Variants in SAMD5 observed in about 807,000 individuals in gnomAD.
SAMD5 encodes sterile alpha motif domain containing 5.
A neutral mutation model predicts 11.3 loss-of-function variants in SAMD5; 13 were observed. That is an observed-to-expected ratio of 1.15 (90% CI 0.75 to 1.83). The LOEUF (loss-of-function observed/expected upper bound fraction) is 1.83. Among genes scored for constraint, SAMD5 ranks in the 40% most tolerant of loss-of-function variants. The probability of loss-of-function intolerance (pLI) is 0.00; values close to 1 mark genes in which losing one functional copy is unlikely to be tolerated. For synonymous variants in SAMD5, 129 were observed against 111.3 expected (o/e 1.16, Z -1.00); for missense variants, 255 against 239.1 (o/e 1.07, Z -0.44).
chr6:147,845,162 A>T, the SAMD5 span, among the ~76,000 whole-genome samples: 1 of 152,166 alleles, frequency 6.6e-6, no homozygotes, highest in Non-Finnish European at 1.5e-5. Flanking sequence ...TTTTTCCAAT[A>T]GGCTTTTCAA....
chr6:147,652,064 C>T (rs761159070), intron 1 of SAMD5, among the ~76,000 whole-genome samples: 3 of 152,266 alleles, frequency 2.0e-5, no homozygotes, highest in East Asian at 1.9e-4. Context: ...ATCAGAATAA[C>T]GTATCTTAAT....
chr6:147,846,716 A>G, the SAMD5 span, among the ~76,000 whole-genome samples: 1 of 152,198 alleles, frequency 6.6e-6, no homozygotes, highest in Admixed American at 6.5e-5. Context: ...GCTATTCGGT[A>G]GGCTGAGGCA....
intron 1 of SAMD5, among the ~76,000 whole-genome samples, chr6:147,559,632 G>A (rs1788915569): frequency 1.3e-5 from 2 of 152,186 alleles, no homozygotes; most frequent in Admixed American, 1.3e-4. Context: ...ACACACCTCG[G>A]AGGAAGACAG....
At chr6:147,846,087 C>T in the SAMD5 span, among the ~76,000 whole-genome samples, 2 of 150,974 alleles carry the variant, frequency 1.3e-5, no homozygotes, top group Non-Finnish European at 2.9e-5. Flanking sequence ...CTGGATGAAC[C>T]TAAAAGGAAT....
Position 147,509,388 on chromosome 6 carries a change from G to A in SAMD5, c.459+1G>A. The A allele has an allele frequency of 6.5e-7, 1 of 1,529,860 alleles. No individual in the cohort carries two copies. Among genetic ancestry groups the A allele is most frequent in the Non-Finnish European group, 8.8e-7 (1 of 1,139,632 alleles). The allele number at this position is 1,529,860 out of a possible 1,614,324, so 94.8% of individuals were successfully genotyped here. A position where few individuals can be genotyped will look rare whatever the true frequency, so the allele number is the denominator to read the frequency against. ...GAGCAAGCCCCCGTACTCCCGCAAG[G>A]TAAGGAGGTGCCGTCCGGGCGGCCC... On this transcript the variant is annotated splice_donor_variant, in intron 1 of 1. Coordinates refer to ENST00000367474, the MANE Select transcript of SAMD5 (RefSeq NM_001030060.3). LOFTEE classifies it high-confidence loss of function.
Position 147,601,755 on chromosome 6 carries a change from C to T in SAMD5, c.162+92368C>T, listed in dbSNP as rs144194746. ...ACTGTTCTTCATGTCTCATATGGTACTAAAGGATGAATCATGGTATGTTGC... is the reference window on the plus strand; with the variant it reads ...ACTGTTCTTCATGTCTCATATGGTATTAAAGGATGAATCATGGTATGTTGC... On this transcript the variant is annotated intron_variant, in intron 1 of 1. Transcript: ENST00000566741. Among the ~76,000 whole-genome samples the T allele has an allele frequency of 3.9e-4, 60 of 152,236 alleles. No individual in the cohort carries two copies. In the East Asian group the frequency reaches 0.011, roughly 28 times the overall value.
chr6:147,619,045 C>A (rs1175735816), intron 1 of SAMD5, among the ~76,000 whole-genome samples: 2 of 152,226 alleles, frequency 1.3e-5, no homozygotes, highest in African/African-American at 4.8e-5. Context: ...TCCTCCTCTG[C>A]CTCCCAAAGC....
At chr6:147,602,781 C>CA (rs5880716) in intron 1 of SAMD5, among the ~76,000 whole-genome samples, 313 of 150,680 alleles carry the variant, frequency 2.1e-3, no homozygotes, top group Non-Finnish European at 3.6e-3. Context: ...ACCAACCAAA[C>CA]AAAAAAAAAA....
the SAMD5 span, among the ~76,000 whole-genome samples, chr6:147,860,599 G>A: frequency 1.3e-5 from 2 of 152,186 alleles, no homozygotes; most frequent in African/African-American, 4.8e-5. Flanking sequence ...TTGCCAGCAA[G>A]AGCCTTAGGA....
intron 1 of SAMD5, among the ~76,000 whole-genome samples, chr6:147,690,105 A>G (rs777405722): frequency 1.3e-5 from 2 of 152,178 alleles, no homozygotes; most frequent in African/African-American, 2.4e-5. Flanking sequence ...GAGACATGTT[A>G]TAAGTAAATA....
chr6:147,945,951 G>A, the SAMD5 span, among the ~76,000 whole-genome samples: 12 of 152,212 alleles, frequency 7.9e-5, no homozygotes, highest in Admixed American at 3.3e-4. Context: ...AGAACAGGAA[G>A]AGGTCAGCCG....
intron 1 of SAMD5, among the ~76,000 whole-genome samples, chr6:147,554,282 G>A (rs1788819416): frequency 1.3e-5 from 2 of 152,144 alleles, no homozygotes; most frequent in South Asian, 4.1e-4. Context: ...GGGGAATTTT[G>A]AGAACTAGAA....
chr6:147,544,955 A>G (rs1788663032), intron 1 of SAMD5, among the ~76,000 whole-genome samples: 1 of 152,214 alleles, frequency 6.6e-6, no homozygotes, highest in Admixed American at 6.5e-5. Flanking sequence ...ATGGATTTCA[A>G]TTAGAGTTTG....
At chr6:147,901,278 T>A in the SAMD5 span, among the ~76,000 whole-genome samples, 1 of 152,242 alleles carries the variant, frequency 6.6e-6, no homozygotes, top group Non-Finnish European at 1.5e-5. Context: ...TCCATACATA[T>A]CTATGTGTTT....
At chr6:147,847,651 G>A in the SAMD5 span, among the ~76,000 whole-genome samples, 1 of 152,068 alleles carries the variant, frequency 6.6e-6, no homozygotes, top group African/African-American at 2.4e-5. Flanking sequence ...TCAGGAGTTC[G>A]AGACCAGCCT....
the SAMD5 span, among the ~76,000 whole-genome samples, chr6:147,854,868 C>A: frequency 3.9e-5 from 6 of 152,098 alleles, no homozygotes; most frequent in African/African-American, 1.4e-4. Context: ...TGTACCTACT[C>A]ACTTATTACT....
chr6:147,518,394 T>A (rs2128439729), intron 1 of SAMD5, among the ~76,000 whole-genome samples: 1 of 152,346 alleles, frequency 6.6e-6, no homozygotes, highest in Admixed American at 6.5e-5. Flanking sequence ...TGTTCTTCAG[T>A]AGTTATCTTA....
chr6:147,610,527 T>C (rs1789768116), intron 1 of SAMD5, among the ~76,000 whole-genome samples: 1 of 152,214 alleles, frequency 6.6e-6, no homozygotes. Context: ...TTGAAATGTT[T>C]ATCATTACCA....
intron 1 of SAMD5, chr6:147,660,638 G>C (rs534906160): frequency 2.6e-4 from 40 of 152,068 alleles, no homozygotes; most frequent in African/African-American, 9.1e-4. Context: ...CTGTTCTCGC[G>C]ATAGTGAGAG....
Sources: gnomAD v4.1 joint callset for allele counts (sites outside exome capture counted in the v4.1 genomes callset) on GRCh38, gnomAD v4.1.1 for gene constraint, MANE v1.5 for transcripts, NCBI Gene and HGNC (gene_info 2026-07-23, HGNC 2026-07-21) for gene names.